HMOX1: variants seen among roughly 807,000 people sequenced by gnomAD.
HMOX1 encodes heat shock protein, 32-kD.
Under a neutral mutation model 27.8 loss-of-function variants are expected in HMOX1, and 22 were observed. That is an observed-to-expected ratio of 0.79 (90% CI 0.57 to 1.13). The LOEUF is 1.13. HMOX1 is among the 50% of genes most tolerant of loss of function. The pLI is 0.00. For synonymous variants in HMOX1, 153 were observed against 151.6 expected (o/e 1.01, Z -0.07); for missense variants, 379 against 377.7 (o/e 1.00, Z -0.03).
intron 3 of HMOX1, among the ~76,000 whole-genome samples, chr22:35,389,422 TTCTTTCTA>T (rs1306899064): frequency 0.07 from 6,263 of 89,668 alleles, 512 homozygotes; most frequent in East Asian, 0.11. Flanking sequence ...CTTTCTTTCT[TTCTTTCTA>T]TCTTTCTTTC....
At chr22:35,386,201 C>T (rs1002642282) in intron 2 of HMOX1, among the ~76,000 whole-genome samples, 2 of 152,070 alleles carry the variant, frequency 1.3e-5, no homozygotes, top group African/African-American at 4.8e-5. Flanking sequence ...TGTGATCCTC[C>T]CGCCTCGGCC....
In HMOX1 at chr22:35,385,227, G is replaced by A. The variant is rs552020376; in HGVS notation, c.145-1458G>A. Among the ~76,000 whole-genome samples, 209 of 152,114 alleles carry A rather than the reference G, an allele frequency of 1.4e-3. 1 individual carries two copies. The highest frequency in any genetic ancestry group is 4.6e-3 in the African/African-American group (193 of 41,510). On this transcript the variant is annotated intron_variant, in intron 2 of 4. Coordinates refer to ENST00000216117, the MANE Select transcript of HMOX1 (RefSeq NM_002133.3). ...TGTGCCCTGTAGTTGGTTACGCAGA[G>A]GTCAAAAGCCAGAAGCACATGGCCA...
chr22:35,381,991 A>C (rs4820192), intron 1 of HMOX1, among the ~76,000 whole-genome samples: 39,466 of 152,140 alleles, frequency 0.26, 5,878 homozygotes, highest in East Asian at 0.46. Context: ...CTTTGACTAA[A>C]GCAGACTTTC....
chr22:35,381,258 A>AGCCCC (rs1931383196), intron 1 of HMOX1, 62 bp downstream of exon 1: 1 of 1,527,412 alleles, frequency 6.5e-7, no homozygotes, highest in South Asian at 1.2e-5. Context: ...CTTGCGTCCT[A>AGCCCC]GCCCCACCCC....
intron 1 of HMOX1, 103 bp from the exon 2 acceptor site, chr22:35,383,003 A>G: frequency 6.7e-7 from 1 of 1,488,876 alleles, no homozygotes; most frequent in Non-Finnish European, 9.3e-7. Context: ...CTGAATGAGG[A>G]TGGGAGTCTC....
intron 1 of HMOX1, among the ~76,000 whole-genome samples, chr22:35,382,161 G>T (rs762396385): frequency 6.6e-6 from 1 of 152,068 alleles, no homozygotes; most frequent in Non-Finnish European, 1.5e-5. Flanking sequence ...TGGGGCTGCT[G>T]CTTCTTCCTG....
intron 3 of HMOX1, among the ~76,000 whole-genome samples, chr22:35,389,391 C>CTTTCTTT (rs1931636673): frequency 2.4e-4 from 12 of 49,830 alleles, no homozygotes; most frequent in Middle Eastern, 9.6e-3. Flanking sequence ...TTCCTTCCTT[C>CTTTCTTT]CTTCCTTTCT....
chr22:35,381,334 G>T, intron 1 of HMOX1, 138 bp downstream of exon 1: 1 of 1,022,384 alleles, frequency 9.8e-7, no homozygotes, highest in Non-Finnish European at 1.4e-6. Flanking sequence ...CAGGAGGTGC[G>T]GGGTTCTGAT....
chr22:35,392,539 C>A (rs966741641), intron 4 of HMOX1, among the ~76,000 whole-genome samples: 28 of 152,052 alleles, frequency 1.8e-4, no homozygotes, highest in African/African-American at 6.0e-4. Flanking sequence ...TCTGGGGAAG[C>A]CCTTCTCATA....
chr22:35,389,237 C>CTTTCTTTCTTTCTTTCTTTCT, intron 3 of HMOX1, among the ~76,000 whole-genome samples: 1 of 116,248 alleles, frequency 8.6e-6, no homozygotes, highest in African/African-American at 4.3e-5. Context: ...TTCTTTCTTT[C>CTTTCTTTCTTTCTTTCTTTCT]TTTTTCTTTC....
intron 2 of HMOX1, among the ~76,000 whole-genome samples, chr22:35,386,009 G>A (rs1264138376): frequency 6.7e-6 from 1 of 149,546 alleles, no homozygotes; most frequent in African/African-American, 2.5e-5. Context: ...AGGCTGGAGT[G>A]CAGTGGCGAG....
chr22:35,383,186 G>C lies in HMOX1; in HGVS notation c.104G>C (p.Arg35Thr). 1 of 1,613,876 alleles carries C rather than the reference G, an allele frequency of 6.2e-7. No individual in the cohort carries two copies. The highest frequency in any genetic ancestry group is 8.5e-7 in the Non-Finnish European group (1 of 1,179,810). ...HTQAENAEFM[R>T]NFQKGQVTRD... ...CAGGCAGAGAATGCTGAGTTCATGA[G>C]GAACTTTCAGAAGGGCCAGGTGACC... The change falls in exon 2 of 5, where the codon AGG becomes ACG. Residue 35 changes from arginine to threonine, a missense_variant. Physicochemically the swap from Arg to Thr is moderately conservative, Grantham distance 71. Coordinates refer to ENST00000216117, the MANE Select transcript of HMOX1 (RefSeq NM_002133.3).
chr22:35,385,671 A>G (rs1359330780), intron 2 of HMOX1, among the ~76,000 whole-genome samples: 1 of 144,172 alleles, frequency 6.9e-6, no homozygotes, highest in Non-Finnish European at 1.5e-5. Flanking sequence ...GCTGGAGCGC[A>G]ATGGCGTGAT....
intron 4 of HMOX1, among the ~76,000 whole-genome samples, chr22:35,390,604 C>A (rs979169351): frequency 1.1e-4 from 16 of 152,114 alleles, no homozygotes; most frequent in Admixed American, 1.0e-3. Context: ...TGGCTCTGGG[C>A]AAGCCATGAG....
chr22:35,381,358 G>T, intron 1 of HMOX1, 162 bp downstream of exon 1: 1 of 796,772 alleles, frequency 1.3e-6, no homozygotes, highest in South Asian at 1.7e-5. Context: ...GCCTGTGCCC[G>T]TAGGGTAGTT....
At chr22:35,387,305 T>C in intron 3 of HMOX1, 129 bp downstream of exon 3, 1 of 1,088,436 alleles carries the variant, frequency 9.2e-7, no homozygotes, top group Non-Finnish European at 1.4e-6. Context: ...GCACTGCCAC[T>C]TACTAGCTGG....
Position 35,385,433 on chromosome 22 carries a change from AT to A in HMOX1, c.145-1234del, listed in dbSNP as rs199925853. ...ATGGGAATAGCAATTCCTTTGTTGG[AT>A]TTTTTTTTTTTTTTTTTCTGAGACA... On this transcript the variant is annotated intron_variant, in intron 2 of 4. Transcript: ENST00000216117. Among the ~76,000 whole-genome samples, 535 of 124,670 alleles carry A rather than the reference AT, an allele frequency of 4.3e-3. 2 individuals are homozygous for A. Among genetic ancestry groups the A allele is most frequent in the Middle Eastern group, 0.025 (6 of 242 alleles). 81.8% of individuals were successfully genotyped at this position (124,670 alleles called of 152,430 possible).
chr22:35,391,381 A>G (rs1456299857), intron 4 of HMOX1, among the ~76,000 whole-genome samples: 5 of 150,776 alleles, frequency 3.3e-5, no homozygotes, highest in South Asian at 2.1e-4. Flanking sequence ...TCCGCCTCCC[A>G]GGTTCACGCC....
At chr22:35,385,866 C>T (rs1369554334) in intron 2 of HMOX1, among the ~76,000 whole-genome samples, 1 of 151,952 alleles carries the variant, frequency 6.6e-6, no homozygotes, top group South Asian at 2.1e-4. Flanking sequence ...CTCCTGATCT[C>T]GTGATCCGCC....
Sources: gnomAD v4.1 joint callset for allele counts (sites outside exome capture counted in the v4.1 genomes callset) on GRCh38, gnomAD v4.1.1 for gene constraint, MANE v1.5 for transcripts, NCBI Gene and HGNC (gene_info 2026-07-23, HGNC 2026-07-21) for gene names.